Variants in XYLT1 observed in about 807,000 individuals in gnomAD.
XYLT1 encodes beta-D-xylosyltransferase 1.
A neutral mutation model predicts 91.3 loss-of-function variants in XYLT1; 36 were observed. The ratio of observed to expected loss-of-function variants is 0.39; its 90% CI spans 0.30 to 0.52. XYLT1 has a LOEUF of 0.52. XYLT1 is among the 20% of genes least tolerant of loss of function. XYLT1 has a pLI of 0.68. For missense variants in XYLT1, 1,242 were observed against 1,284.5 expected, an observed-to-expected ratio of 0.97 and a Z score of 0.51; for synonymous variants, 588 against 532.0, an observed-to-expected ratio of 1.11 and a Z score of -1.45.
intron 2 of XYLT1, among the ~76,000 whole-genome samples, chr16:17,317,850 C>G (rs4782006): frequency 0.63 from 94,910 of 151,828 alleles, 30,226 homozygotes; most frequent in Admixed American, 0.71. Flanking sequence ...TCAGCCACCA[C>G]GGCGAGCTCA....
intron 1 of XYLT1, among the ~76,000 whole-genome samples, chr16:17,368,137 C>CG (rs746632797): frequency 7.2e-5 from 11 of 152,108 alleles, no homozygotes; most frequent in Admixed American, 1.3e-4. Context: ...ACACAAACCA[C>CG]GGGGGGCGGA....
chr16:17,387,819 T>C (rs1220968971), intron 1 of XYLT1, among the ~76,000 whole-genome samples: 1 of 152,226 alleles, frequency 6.6e-6, no homozygotes, highest in Non-Finnish European at 1.5e-5. Context: ...GGCATGCCTA[T>C]TTCTGCTGTA....
At chr16:17,293,634 C>T (rs2141801569) in intron 2 of XYLT1, among the ~76,000 whole-genome samples, 1 of 151,998 alleles carries the variant, frequency 6.6e-6, no homozygotes, top group South Asian at 2.1e-4. Context: ...ATTATAGGCA[C>T]CCATCACCAC....
intron 3 of XYLT1, among the ~76,000 whole-genome samples, chr16:17,232,448 T>C (rs71390571): frequency 0.054 from 6,244 of 116,034 alleles, 172 homozygotes; most frequent in African/African-American, 0.069. Flanking sequence ...TATATATATA[T>C]ACATATATAT....
At chr16:17,238,736 T>G (rs546322546) in intron 3 of XYLT1, among the ~76,000 whole-genome samples, 5 of 152,402 alleles carry the variant, frequency 3.3e-5, no homozygotes, top group African/African-American at 1.2e-4. Flanking sequence ...TGGCTCTTAG[T>G]CATGCCAAGT....
At chr16:17,181,397 C>T (rs1259947365) in intron 5 of XYLT1, among the ~76,000 whole-genome samples, 1 of 152,202 alleles carries the variant, frequency 6.6e-6, no homozygotes, top group Non-Finnish European at 1.5e-5. Flanking sequence ...AGTGACCACA[C>T]AAGGCCAGAC....
At chr16:17,428,963 AT>A (rs766715763) in intron 1 of XYLT1, among the ~76,000 whole-genome samples, 1 of 152,180 alleles carries the variant, frequency 6.6e-6, no homozygotes, top group Admixed American at 6.5e-5. Context: ...ATGCAGGGCC[AT>A]TGGGAAGCTT....
chr16:17,137,021 A>G (rs897398459), intron 8 of XYLT1, among the ~76,000 whole-genome samples: 2 of 152,078 alleles, frequency 1.3e-5, no homozygotes, highest in Non-Finnish European at 2.9e-5. Context: ...ATTCCCCTGC[A>G]ACCCTCTTTC....
At chr16:17,414,903 T>C (rs1284348938) in intron 1 of XYLT1, among the ~76,000 whole-genome samples, 8 of 152,142 alleles carry the variant, frequency 5.3e-5, no homozygotes, top group Non-Finnish European at 8.8e-5. Flanking sequence ...TGGTGAGCAC[T>C]GTGTGGACGG....
At chr16:17,113,873 G>C (rs1488743589) in intron 11 of XYLT1, among the ~76,000 whole-genome samples, 1 of 152,254 alleles carries the variant, frequency 6.6e-6, no homozygotes, top group Non-Finnish European at 1.5e-5. Context: ...AGGAAGGTGA[G>C]GAAGAACTCA....
chr16:17,343,310 G>C (rs1050398816), intron 2 of XYLT1, among the ~76,000 whole-genome samples: 5 of 152,176 alleles, frequency 3.3e-5, no homozygotes, highest in African/African-American at 1.2e-4. Context: ...AGGCCTCCGG[G>C]ATTGTGCCAC....
intron 1 of XYLT1, among the ~76,000 whole-genome samples, chr16:17,379,663 T>C (rs971472994): frequency 3.4e-4 from 52 of 152,060 alleles, no homozygotes; most frequent in African/African-American, 1.2e-3. Flanking sequence ...GGGCCTCATG[T>C]TATCCTAGAG....
chr16:17,356,110 C>G lies in XYLT1; in HGVS notation c.402+1902G>C, dbSNP rs973364560. On this transcript the variant is annotated intron_variant, in intron 2 of 11. Coordinates refer to ENST00000261381, the MANE Select transcript of XYLT1 (RefSeq NM_022166.4). ...CCACCTACTAGATGCCAGTTGTAAA[C>G]CCCCCAACCAGATGAGACCACCACC... 4.6e-5 allele frequency among the ~76,000 whole-genome samples: 7 copies of G among 152,010 alleles called. No individual in the cohort carries two copies. The East Asian group carries it at 5.8e-4, about 13-fold the overall frequency.
intron 1 of XYLT1, among the ~76,000 whole-genome samples, chr16:17,415,809 C>T (rs1477800823): frequency 6.6e-6 from 1 of 152,132 alleles, no homozygotes; most frequent in Non-Finnish European, 1.5e-5. Flanking sequence ...ATTTGCTGTG[C>T]ATGCAGTGTG....
chr16:17,368,214 G>A (rs1047413171), intron 1 of XYLT1, among the ~76,000 whole-genome samples: 1 of 152,164 alleles, frequency 6.6e-6, no homozygotes, highest in Non-Finnish European at 1.5e-5. Context: ...GGGATGTAGA[G>A]CTGCCTTCCT....
intron 2 of XYLT1, among the ~76,000 whole-genome samples, chr16:17,261,175 G>A (rs1283509486): frequency 4.6e-5 from 7 of 151,372 alleles, no homozygotes; most frequent in African/African-American, 9.7e-5. Flanking sequence ...CCTGGGAGGC[G>A]GAGGTTGCAG....
At chr16:17,464,470 C>G in intron 1 of XYLT1, among the ~76,000 whole-genome samples, 1 of 116,842 alleles carries the variant, frequency 8.6e-6, no homozygotes, top group Admixed American at 1.0e-4. Flanking sequence ...CCAGGCCGGG[C>G]AACAGAGCAA....
intron 6 of XYLT1, among the ~76,000 whole-genome samples, chr16:17,155,415 T>C (rs971742257): frequency 1.3e-5 from 2 of 152,238 alleles, no homozygotes; most frequent in African/African-American, 4.8e-5. Flanking sequence ...CCTAATGTTT[T>C]AGTTACCTGA....
intron 2 of XYLT1, among the ~76,000 whole-genome samples, chr16:17,311,866 G>A (rs1483408393): frequency 1.3e-5 from 2 of 152,066 alleles, no homozygotes; most frequent in Non-Finnish European, 2.9e-5. Flanking sequence ...CAAGCAAAAG[G>A]GGTTTCCCCT....
Sources: gnomAD v4.1 joint callset for allele counts (sites outside exome capture counted in the v4.1 genomes callset) on GRCh38, gnomAD v4.1.1 for gene constraint, MANE v1.5 for transcripts, NCBI Gene and HGNC (gene_info 2026-07-23, HGNC 2026-07-21) for gene names.